The following MTMR7 variants were observed in gnomAD, a reference collection of about 807,000 sequenced individuals.
MTMR7 encodes myotubularin related protein 7, also known as phosphatidylinositol-3-phosphate phosphatase MTMR7.
A neutral mutation model predicts 81.2 loss-of-function variants in MTMR7; 76 were observed. The observed-to-expected ratio is 0.94, with a 90% CI of 0.78 to 1.13. The LOEUF is 1.13. Among genes scored for constraint, MTMR7 ranks in the 50% most tolerant of loss-of-function variants. The pLI is 0.00. For missense variants in MTMR7, 1,044 were observed against 820.0 expected (o/e 1.27, Z -3.34); for synonymous variants, 372 against 289.8 (o/e 1.28, Z -2.88).
At chr8:17,352,910 T>C (rs1212802908) in intron 4 of MTMR7, among the ~76,000 whole-genome samples, 3 of 152,074 alleles carry the variant, frequency 2.0e-5, no homozygotes, top group African/African-American at 7.2e-5. Context: ...AATTTAAAAA[T>C]AGAATTCCTA....
chr8:17,334,996 G>C (rs1358814479), intron 6 of MTMR7, among the ~76,000 whole-genome samples: 1 of 152,194 alleles, frequency 6.6e-6, no homozygotes, highest in Admixed American at 6.5e-5. Context: ...AAGAGGGAAG[G>C]CTAGAAAGCA....
rs766229376 is a variant in MTMR7, at chr8:17,300,177, C to T, written c.1668G>A (p.Lys556=). ...QKVQLNCTKV[K]SKQSEPSKHS... Reference sequence around the variant, plus strand: ...GCTTGCTGGGCTCACTTTGCTTACTCTTCACCTTAGTGCAATTTAACTGGA... The same window carrying T: ...GCTTGCTGGGCTCACTTTGCTTACTTTTCACCTTAGTGCAATTTAACTGGA... Residue 556 remains lysine (K), a synonymous_variant, in exon 14 of 14, where the codon AAG becomes AAA. Transcript: ENST00000180173. 6.2e-7 allele frequency: 1 copy of T among 1,614,082 alleles called. No individual in the cohort carries two copies. Among genetic ancestry groups the T allele is most frequent in the Non-Finnish European group, 8.5e-7 (1 of 1,179,962 alleles).
chr8:17,328,718 T>G (rs1045247387), intron 7 of MTMR7, among the ~76,000 whole-genome samples: 1 of 152,106 alleles, frequency 6.6e-6, no homozygotes. Context: ...TTAAAAATTT[T>G]AAATAAAAAA....
intron 1 of MTMR7, among the ~76,000 whole-genome samples, chr8:17,395,385 T>A (rs1362881018): frequency 5.9e-5 from 9 of 152,216 alleles, no homozygotes; most frequent in Admixed American, 5.9e-4. Context: ...AACATGGGCA[T>A]ACCAGTATCT....
intron 2 of MTMR7, 70 bp downstream of exon 2, chr8:17,373,048 G>A: frequency 2.5e-6 from 4 of 1,574,770 alleles, no homozygotes; most frequent in Non-Finnish European, 3.5e-6. Context: ...GAGGAAAAAT[G>A]AATGGAGGGC....
At chr8:17,359,939 TATTA>T (rs1167501063) in intron 4 of MTMR7, among the ~76,000 whole-genome samples, 2 of 152,164 alleles carry the variant, frequency 1.3e-5, no homozygotes, top group African/African-American at 2.4e-5. Context: ...ATAAAAATTA[TATTA>T]AAATGCTATC....
Position 17,392,983 on chromosome 8 carries a change from G to C in MTMR7, c.25-19743C>G, listed in dbSNP as rs543507175. ...TAGTGCTTTAAGTGTATTCTGTTTAGTCTCTAACAAGCTATACGTGAGAAA... is the reference window on the plus strand; with the variant it reads ...TAGTGCTTTAAGTGTATTCTGTTTACTCTCTAACAAGCTATACGTGAGAAA... On this transcript the variant is annotated intron_variant, in intron 1 of 13. Coordinates refer to ENST00000180173, the MANE Select transcript of MTMR7 (RefSeq NM_004686.5). 2.0e-5 allele frequency among the ~76,000 whole-genome samples: 3 copies of C among 152,278 alleles called. No individual in the cohort carries two copies. In the South Asian group the frequency reaches 6.2e-4, roughly 32 times the overall value.
Position 17,305,810 on chromosome 8 carries a change from G to A in MTMR7, c.1299C>T (p.Ser433=). The change falls in exon 11 of 14, where the codon TCC becomes TCT. Residue 433 remains serine, a synonymous_variant. Transcript: ENST00000180173. ...FLIHIQHHIY[S]CQFGNFLCNS... is the part of the protein sequence containing the mutation. ...TACATAGGAAGTTTCCAAACTGGCA[G>A]GAATAAATGTGATGTTGAATGTGAA... 2 of 1,613,580 alleles carry A rather than the reference G, an allele frequency of 1.2e-6. No homozygotes were observed. The highest frequency in any genetic ancestry group is 1.7e-6 in the Non-Finnish European group (2 of 1,179,652).
intron 1 of MTMR7, among the ~76,000 whole-genome samples, chr8:17,375,485 T>TG (rs1221077971): frequency 7.5e-5 from 11 of 146,918 alleles, no homozygotes; most frequent in South Asian, 2.7e-4. Flanking sequence ...CTTATGTTTT[T>TG]TTTTTTTTTT....
intron 13 of MTMR7, among the ~76,000 whole-genome samples, chr8:17,300,942 T>TA (rs1244575768): frequency 5.3e-5 from 8 of 152,258 alleles, no homozygotes; most frequent in African/African-American, 1.9e-4. Flanking sequence ...GTACAGCATG[T>TA]ATCAAGTACT....
rs940373085 is a variant in MTMR7 at position 17,298,453 on chromosome 8, A to G, written c.*1409T>C. ...AATGTTTTCATTTATATATATTGCAACACTCCCTCCAAATCTTTCATACTA... is the reference window on the plus strand; with the variant it reads ...AATGTTTTCATTTATATATATTGCAGCACTCCCTCCAAATCTTTCATACTA... On this transcript the variant is annotated 3_prime_UTR_variant, in exon 14 of 14. Coordinates refer to ENST00000180173, the MANE Select transcript of MTMR7 (RefSeq NM_004686.5). The G allele has an allele frequency of 3.9e-5, 6 of 152,398 alleles. No individual in the cohort carries two copies. Among genetic ancestry groups the G allele is most frequent in the African/African-American group, 1.4e-4 (6 of 41,416 alleles). The allele number at this position is 152,398 out of a possible 1,614,324, so 9.4% of individuals were successfully genotyped here.
chr8:17,412,276 C>T (rs1361206292), intron 1 of MTMR7, among the ~76,000 whole-genome samples: 1 of 152,126 alleles, frequency 6.6e-6, no homozygotes, highest in Non-Finnish European at 1.5e-5. Context: ...GCCCCCACCC[C>T]TCTTAAATGT....
In MTMR7 at chr8:17,299,681, C is replaced by G. The variant is rs966158538; in HGVS notation, c.*181G>C. Reference sequence around the variant, plus strand: ...TCCTTATATTTGATAAATGAAATGACTACGTCCTCTTCAGTATCTAAGAAA... The same window carrying G: ...TCCTTATATTTGATAAATGAAATGAGTACGTCCTCTTCAGTATCTAAGAAA... On this transcript the variant is annotated 3_prime_UTR_variant, in exon 14 of 14. Coordinates refer to ENST00000180173, the MANE Select transcript of MTMR7 (RefSeq NM_004686.5). 5 of 739,156 alleles carry G rather than the reference C, an allele frequency of 6.8e-6. No homozygotes were observed. In the African/African-American group the frequency reaches 7.1e-5, roughly 10 times the overall value. The allele number at this position is 739,156 out of a possible 1,614,324, so 45.8% of individuals were successfully genotyped here. A position where few individuals can be genotyped will look rare whatever the true frequency, so the allele number is the denominator to read the frequency against.
intron 1 of MTMR7, among the ~76,000 whole-genome samples, chr8:17,407,431 T>C (rs1821619998): frequency 6.6e-6 from 1 of 152,162 alleles, no homozygotes; most frequent in African/African-American, 2.4e-5. Context: ...CATTTGGTAA[T>C]ATATACCAAC....
intron 3 of MTMR7, among the ~76,000 whole-genome samples, chr8:17,368,224 G>A (rs7816272): frequency 2.0e-5 from 3 of 152,146 alleles, no homozygotes; most frequent in Non-Finnish European, 4.4e-5. Flanking sequence ...TGATCTCACA[G>A]GAGGTAGAGC....
chr8:17,407,510 T>C (rs911306020), intron 1 of MTMR7, among the ~76,000 whole-genome samples: 1 of 152,018 alleles, frequency 6.6e-6, no homozygotes, highest in African/African-American at 2.4e-5. Flanking sequence ...AGAAATCACA[T>C]GCAGATAATA....
chr8:17,301,155 T>C (rs1817083029), intron 13 of MTMR7, among the ~76,000 whole-genome samples: 1 of 152,256 alleles, frequency 6.6e-6, no homozygotes, highest in Non-Finnish European at 1.5e-5. Context: ...GCAAAAGCAC[T>C]GTGCTGGGCA....
chr8:17,318,554 T>G (rs1376859783), intron 7 of MTMR7, among the ~76,000 whole-genome samples: 1 of 152,176 alleles, frequency 6.6e-6, no homozygotes, highest in Non-Finnish European at 1.5e-5. Context: ...CTGGACTCGC[T>G]CTTCCTGTGG....
intron 2 of MTMR7, 158 bp downstream of exon 2, chr8:17,372,960 T>G: frequency 1.3e-6 from 1 of 783,432 alleles, no homozygotes; most frequent in East Asian, 2.7e-5. Context: ...TAGATACGAC[T>G]GCACAGAAAA....
Sources: allele counts gnomAD v4.1 joint callset (sites outside exome capture counted in the v4.1 genomes callset), GRCh38; gene constraint gnomAD v4.1.1; transcripts MANE v1.5; gene names NCBI Gene and HGNC (gene_info 2026-07-23, HGNC 2026-07-21).